The following RFX1 variants were observed in gnomAD, a reference collection of about 807,000 sequenced individuals.
The protein encoded by RFX1 is MHC class II regulatory factor RFX1.
In RFX1, 42 loss-of-function variants were observed where a neutral mutation model predicts 119.6. That is an observed-to-expected ratio of 0.35 (90% confidence interval 0.27 to 0.45). The LOEUF is 0.45. Ranked by LOEUF, RFX1 falls within the 20% of genes least tolerant of loss-of-function variation. The probability of loss-of-function intolerance (pLI) is 1.00; values close to 1 mark genes in which losing one functional copy is unlikely to be tolerated. For synonymous variants in RFX1, 628 were observed against 618.5 expected, an observed-to-expected ratio of 1.02 and a Z score of -0.23; for missense variants, 1,118 against 1,368.1, an observed-to-expected ratio of 0.82 and a Z score of 2.88.
rs1232507732 is a variant in RFX1 at position 13,968,788 on chromosome 19, A to G, written c.1603T>C (p.Ser535Pro). 1 of 1,588,850 alleles carries G rather than the reference A, an allele frequency of 6.3e-7. No individual in the cohort carries two copies. The highest frequency in any genetic ancestry group is 1.1e-5 in the South Asian group (1 of 88,686). Residue 535 changes from serine (S) to proline (P), a missense_variant, in exon 11 of 21, where the codon TCG becomes CCG. Ser to Pro is a moderately conservative substitution (Grantham distance 74, BLOSUM62 -1). Coordinates refer to ENST00000254325, the MANE Select transcript of RFX1 (RefSeq NM_002918.5). This position sits in a 1 kb window ranked among gnomAD's most constrained non-coding sequence, Gnocchi z 5.5. The part of the protein sequence containing the change: ...QHMAMRGQPF[S>P]QKQRLKPIQK... ...CTGCCTTCCTACCTCTGCTTCTGCG[A>G]GAAGGGCTGGCCCCGCATGGCCATG...
At chr19:13,975,177 G>T (rs1974217228) in intron 8 of RFX1, among the ~76,000 whole-genome samples, 1 of 151,944 alleles carries the variant, frequency 6.6e-6, no homozygotes, top group Non-Finnish European at 1.5e-5. Context: ...CCAACATGAT[G>T]AAACCCTCTC....
At chr19:14,001,979 T>C (rs1474166132) in intron 1 of RFX1, among the ~76,000 whole-genome samples, 1 of 152,100 alleles carries the variant, frequency 6.6e-6, no homozygotes, top group African/African-American at 2.4e-5. Flanking sequence ...CTACTAAAAA[T>C]ACAAAAATTA....
Position 13,985,419 on chromosome 19 carries a change from C to T in RFX1, c.320-1824G>A, listed in dbSNP as rs942824021. Among the ~76,000 whole-genome samples, 10 of 152,126 alleles carry T rather than the reference C, an allele frequency of 6.6e-5. No homozygotes were observed. Among genetic ancestry groups the T allele is most frequent in the Admixed American group, 2.6e-4 (4 of 15,272 alleles). On this transcript the variant is annotated intron_variant, in intron 2 of 20. Coordinates refer to ENST00000254325, the MANE Select transcript of RFX1 (RefSeq NM_002918.5). The surrounding 1 kb of genome is among the most constrained non-coding windows in gnomAD (Gnocchi z 4.3). ...CTTGAACTCCTGGCTTCAAGTGATC[C>T]GCCCGCCTCGGTCTCTCAAAGTGCT... is the stretch of plus-strand genomic sequence containing the variant.
rs1300492096 is a variant in RFX1, at chr19:13,985,979, G to C, written c.320-2384C>G. Among the ~76,000 whole-genome samples, 1 of 152,208 alleles carries C rather than the reference G, an allele frequency of 6.6e-6. No individual in the cohort carries two copies. The highest frequency in any genetic ancestry group is 1.5e-5 in the Non-Finnish European group (1 of 68,022). On this transcript the variant is annotated intron_variant, in intron 2 of 20. Coordinates refer to ENST00000254325, the MANE Select transcript of RFX1 (RefSeq NM_002918.5). This position sits in a 1 kb window ranked among gnomAD's most constrained non-coding sequence, Gnocchi z 4.3. ...CCCATGCCTGCCTGACCAGCTACCT[G>C]TGCAGCCAATTCCACAGGCCCTAAT...
At chr19:13,967,170 T>C (rs184441837) in intron 12 of RFX1, among the ~76,000 whole-genome samples, 3 of 152,212 alleles carry the variant, frequency 2.0e-5, no homozygotes, top group East Asian at 1.9e-4. Context: ...TCGACTCTGC[T>C]AGAAGTATTG....
intron 8 of RFX1, among the ~76,000 whole-genome samples, chr19:13,975,424 C>T (rs543452461): frequency 6.6e-6 from 1 of 151,002 alleles, no homozygotes; most frequent in African/African-American, 2.4e-5. Flanking sequence ...GGTGGCCTGG[C>T]TCAGACTCTG....
chr19:13,994,893 CATATATATATATATATATATAT>C lies in RFX1; in HGVS notation c.-52-1020_-52-999del, dbSNP rs566150731. Among the ~76,000 whole-genome samples the C allele has an allele frequency of 7.3e-3, 431 of 59,312 alleles. 4 individuals carry two copies. The highest frequency in any genetic ancestry group is 0.064 in the East Asian group (95 of 1,476). 38.9% of individuals were successfully genotyped at this position (59,312 alleles called of 152,430 possible). A position where few individuals can be genotyped will look rare whatever the true frequency, so the allele number is the denominator to read the frequency against. ...GTATATGTATATTGAAATATACATACATATATATATATATATATATATATATATATATATATATATATATAAT... is the reference window on the plus strand; with the variant it reads ...GTATATGTATATTGAAATATACATACATATATATATATATATATATATAAT... On this transcript the variant is annotated intron_variant, in intron 1 of 20. Transcript: ENST00000254325.
rs546578750 is a variant in RFX1, at chr19:13,970,413, C to T, written c.1315-238G>A. On this transcript the variant is annotated intron_variant, in intron 9 of 20. Transcript: ENST00000254325. ...ACATTAAAGGCCGGGCACGGCTCACCCCTTTAGTTCCAGCACTTTGGGAGG... is the reference window on the plus strand; with the variant it reads ...ACATTAAAGGCCGGGCACGGCTCACTCCTTTAGTTCCAGCACTTTGGGAGG... 2.1e-4 allele frequency among the ~76,000 whole-genome samples: 32 copies of T among 152,210 alleles called. No individual in the cohort carries two copies. In the South Asian group the frequency reaches 6.4e-3, roughly 31 times the overall value.
chr19:13,966,605 C>A lies in RFX1; in HGVS notation c.1851+28G>T. The A allele has an allele frequency of 6.4e-7, 1 of 1,558,046 alleles. No homozygotes were observed. Among genetic ancestry groups the A allele is most frequent in the Non-Finnish European group, 8.7e-7 (1 of 1,144,048 alleles). ...CCATGCCCGTGGCTGCGTCCCCGTC[C>A]ACTTGCCTGCCCACCTGGCCACCCT... On this transcript the variant is annotated intron_variant, in intron 13 of 20. Transcript: ENST00000254325. This position sits in a 1 kb window ranked among gnomAD's most constrained non-coding sequence, Gnocchi z 6.3.
At position 13,986,598 on chromosome 19, in the gene RFX1, C is replaced by T. The variant is rs1974603080; in HGVS notation, c.320-3003G>A. 6.6e-6 allele frequency among the ~76,000 whole-genome samples: 1 copy of T among 152,130 alleles called. No individual in the cohort carries two copies. The highest frequency in any genetic ancestry group is 2.1e-4 in the South Asian group (1 of 4,834). On this transcript the variant is annotated intron_variant, in intron 2 of 20. Transcript: ENST00000254325. The surrounding 1 kb of genome is among the most constrained non-coding windows in gnomAD (Gnocchi z 4.2). The stretch of plus-strand genomic sequence containing the variant: ...GGGTGGCACTGAGTCTGCGAGCGAG[C>T]GTCTGCATCTATCTGCCGGAGATCG...
At position 13,966,764 on chromosome 19, in the gene RFX1, G is replaced by T. The variant is rs7252060; in HGVS notation, c.1733-13C>A. 3.2e-6 allele frequency: 5 copies of T among 1,572,650 alleles called. No homozygotes were observed. The highest frequency in any genetic ancestry group is 4.3e-6 in the Non-Finnish European group (5 of 1,151,552). On this transcript the variant is annotated splice_polypyrimidine_tract_variant and intron_variant, in intron 12 of 20. Transcript: ENST00000254325. This position sits in a 1 kb window ranked among gnomAD's most constrained non-coding sequence, Gnocchi z 6.3. ...CTCCGAGAGGCATCTAGGGGGCCGG[G>T]GGGAACCGTGAGGCCCTTCATCCCC... is the stretch of plus-strand genomic sequence containing the variant.
At chr19:13,977,848 A>T in intron 8 of RFX1, 144 bp downstream of exon 8, 1 of 578,852 alleles carries the variant, frequency 1.7e-6, no homozygotes, top group Non-Finnish European at 3.0e-6. Flanking sequence ...GCCCCTGGGG[A>T]GTGCCCACCT....
chr19:14,004,396 G>C (rs1016301383), intron 1 of RFX1, among the ~76,000 whole-genome samples: 2 of 152,072 alleles, frequency 1.3e-5, no homozygotes, highest in African/African-American at 4.8e-5. Context: ...TAGTCCCAGC[G>C]ACTCAGGAGA....
chr19:13,975,201 C>T (rs1204235058), intron 8 of RFX1, among the ~76,000 whole-genome samples: 1 of 151,666 alleles, frequency 6.6e-6, no homozygotes, highest in Non-Finnish European at 1.5e-5. Flanking sequence ...ACTGAAAATA[C>T]AAAAAGTTAG....
Position 13,980,423 on chromosome 19 carries a change from C to G in RFX1, c.738+150G>C, listed in dbSNP as rs544078849. On this transcript the variant is annotated intron_variant, in intron 6 of 20. Transcript: ENST00000254325. This position sits in a 1 kb window ranked among gnomAD's most constrained non-coding sequence, Gnocchi z 5.1. Reference sequence around the variant, plus strand: ...CCAGGATGCTGAGTCTGGAGACAGGCAGAGATGCTTATCAAAGGCCAGGGT... The same window carrying G: ...CCAGGATGCTGAGTCTGGAGACAGGGAGAGATGCTTATCAAAGGCCAGGGT... The G allele has an allele frequency of 5.0e-6, 3 of 595,000 alleles. No homozygotes were observed. Among genetic ancestry groups the G allele is most frequent in the Admixed American group, 6.1e-5 (2 of 32,730 alleles). 36.9% of individuals were successfully genotyped at this position (595,000 alleles called of 1,614,324 possible).
In RFX1 at chr19:13,970,120, C is replaced by A; in HGVS notation, c.1370G>T (p.Ser457Ile). The A allele has an allele frequency of 1.2e-6, 2 of 1,613,884 alleles. No individual in the cohort carries two copies. The highest frequency in any genetic ancestry group is 8.5e-7 in the Non-Finnish European group (1 of 1,179,968). ...ETAEGVSLPRSTLYCHYLLHC... is the reference protein window; with the variant it reads ...ETAEGVSLPRITLYCHYLLHC... ...CAGTAAGTAGTGGCAGTAGAGGGTGCTCCGTGGCAGACTCACGCCCTCAGC... is the reference window on the plus strand; with the variant it reads ...CAGTAAGTAGTGGCAGTAGAGGGTGATCCGTGGCAGACTCACGCCCTCAGC... The change falls in exon 10 of 21, where the codon AGC (serine) becomes ATC (isoleucine). Residue 457 changes from serine to isoleucine, a missense_variant. By Grantham distance (142) the Ser-to-Ile change is moderately radical. Transcript: ENST00000254325.
rs368843123 is a variant in RFX1, at chr19:13,965,802, G to T, written c.1962-25C>A. 33 of 1,610,758 alleles carry T rather than the reference G, an allele frequency of 2.0e-5. No homozygotes were observed. The highest frequency in any genetic ancestry group is 1.7e-4 in the Middle Eastern group (1 of 5,788). ...TCTGCGGGCACCCACCCCACCCCGG[G>T]TCACTGGGGTACTCTATGGTCCTGC... is the stretch of plus-strand genomic sequence containing the variant. On this transcript the variant is annotated intron_variant, in intron 14 of 20. Transcript: ENST00000254325. The surrounding 1 kb of genome is among the most constrained non-coding windows in gnomAD (Gnocchi z 4.7).
chr19:13,979,431 AG>A lies in RFX1; in HGVS notation c.834+15del, dbSNP rs1357523869. 2.0e-6 allele frequency: 3 copies of A among 1,532,978 alleles called. No homozygotes were observed. Among genetic ancestry groups the A allele is most frequent in the African/African-American group, 2.8e-5 (2 of 72,220 alleles). The allele number at this position is 1,532,978 out of a possible 1,614,324, so 95.0% of individuals were successfully genotyped here. On this transcript the variant is annotated intron_variant, in intron 7 of 20. Transcript: ENST00000254325. ...CCAGCCCCTTTGCCCGTGGGGTAGG[AG>A]GGGGAGACACACACCTCTTGAGCCA... is the stretch of plus-strand genomic sequence containing the variant.
In RFX1 at chr19:13,993,702, C is replaced by T; in HGVS notation, c.142G>A (p.Ala48Thr). 2 of 1,557,984 alleles carry T rather than the reference C, an allele frequency of 1.3e-6. No homozygotes were observed. Among genetic ancestry groups the T allele is most frequent in the Non-Finnish European group, 1.7e-6 (2 of 1,151,912 alleles). Residue 48 changes from alanine (A) to threonine (T), a missense_variant, in exon 2 of 21, where the codon GCC (alanine) becomes ACC (threonine). This residue lies in a region of RFX1 where 542 missense variants were observed against 602.7 expected (regional missense o/e 0.90). Transcript: ENST00000254325. ...GTGACATATTGGGGCTGAGGGGTGG[C>T]AGCAGCGGTGGGTGGCTGCGGGGGC... is the stretch of plus-strand genomic sequence containing the variant. ...PQPPQPPTAA[A>T]TPQPQYVTEL...
Sources: allele counts gnomAD v4.1 joint callset (sites outside exome capture counted in the v4.1 genomes callset), GRCh38; gene constraint gnomAD v4.1.1; regional missense constraint gnomAD v4.1.1; non-coding constraint Gnocchi (gnomAD v3.1); transcripts MANE v1.5; gene names NCBI Gene and HGNC (gene_info 2026-07-23, HGNC 2026-07-21).